The following SPMIP7 variants were observed in gnomAD, a reference collection of about 807,000 sequenced individuals.
SPMIP7 encodes sperm microtubule inner protein 7, also known as protein SPMIP7.
chr7:50,097,865 T>C, the SPMIP7 span, among the ~76,000 whole-genome samples: 1 of 152,164 alleles, frequency 6.6e-6, no homozygotes, highest in Non-Finnish European at 1.5e-5. Context: ...AAGAATCAAA[T>C]GAATTAACAC....
At chr7:50,136,272 T>C in the SPMIP7 span, 6 of 776,590 alleles carry the variant, frequency 7.7e-6, no homozygotes, top group Non-Finnish European at 1.3e-5. Flanking sequence ...GTGAGGGATA[T>C]GTTCTCTGAT....
chr7:50,112,247 G>C, the SPMIP7 span, among the ~76,000 whole-genome samples: 1 of 152,102 alleles, frequency 6.6e-6, no homozygotes, highest in African/African-American at 2.4e-5. Context: ...TGAAGTGGAA[G>C]ATAAACAAAG....
the SPMIP7 span, among the ~76,000 whole-genome samples, chr7:50,118,008 A>T: frequency 1.3e-5 from 2 of 152,212 alleles, no homozygotes; most frequent in African/African-American, 2.4e-5. Flanking sequence ...CTGAGTATCA[A>T]AGGAATTCCC....
At chr7:50,128,159 T>A in the SPMIP7 span, among the ~76,000 whole-genome samples, 1 of 152,048 alleles carries the variant, frequency 6.6e-6, no homozygotes, top group Non-Finnish European at 1.5e-5. Flanking sequence ...TTCTGTCATT[T>A]GTACCAACGT....
At chr7:50,133,892 T>TG in the SPMIP7 span, among the ~76,000 whole-genome samples, 6 of 152,192 alleles carry the variant, frequency 3.9e-5, no homozygotes, top group South Asian at 1.2e-3. Context: ...GCCAATCTCT[T>TG]GGGGCATATA....
the SPMIP7 span, among the ~76,000 whole-genome samples, chr7:50,125,237 TACACATATATACACATATATATACAC>T: frequency 3.5e-5 from 3 of 86,196 alleles, no homozygotes; most frequent in African/African-American, 8.7e-5. Flanking sequence ...CACATATATA[TACACATATATACACATATATATACAC>T]ACATATATAT....
At chr7:50,127,269 A>G in the SPMIP7 span, among the ~76,000 whole-genome samples, 1 of 152,076 alleles carries the variant, frequency 6.6e-6, no homozygotes, top group Non-Finnish European at 1.5e-5. Context: ...AAATGGGTTA[A>G]AGATTTAAGT....
chr7:50,145,612 GTGTGTGTATATATATATATATA>G, the SPMIP7 span, among the ~76,000 whole-genome samples: 11 of 36,900 alleles, frequency 3.0e-4, 2 homozygotes, highest in East Asian at 1.3e-3. Flanking sequence ...GTGTGTATAT[GTGTGTGTATATATATATATATA>G]TATATATATA....
the SPMIP7 span, among the ~76,000 whole-genome samples, chr7:50,125,131 C>CAT: frequency 0.04 from 2,723 of 68,782 alleles, 905 homozygotes; most frequent in East Asian, 0.059. Context: ...CACACACACA[C>CAT]ACACACACAC....
chr7:50,097,061 G>T, the SPMIP7 span, among the ~76,000 whole-genome samples: 1 of 152,160 alleles, frequency 6.6e-6, no homozygotes, highest in Non-Finnish European at 1.5e-5. Flanking sequence ...GTACTTGAAC[G>T]TACATTTTTT....
the SPMIP7 span, among the ~76,000 whole-genome samples, chr7:50,103,518 C>A: frequency 6.6e-6 from 1 of 152,206 alleles, no homozygotes; most frequent in South Asian, 2.1e-4. Flanking sequence ...TACCATTTTA[C>A]AATCTGCTAT....
chr7:50,127,690 A>G, the SPMIP7 span, among the ~76,000 whole-genome samples: 1 of 151,170 alleles, frequency 6.6e-6, no homozygotes, highest in Non-Finnish European at 1.5e-5. Flanking sequence ...TAAGACATAA[A>G]AATAGTCAAC....
At chr7:50,100,301 A>C in the SPMIP7 span, among the ~76,000 whole-genome samples, 4 of 152,240 alleles carry the variant, frequency 2.6e-5, no homozygotes, top group Middle Eastern at 3.2e-3. Flanking sequence ...GGGAATCTGC[A>C]AGAGGGTGAC....
chr7:50,105,919 G>C, the SPMIP7 span, among the ~76,000 whole-genome samples: 6 of 152,114 alleles, frequency 3.9e-5, no homozygotes, highest in Non-Finnish European at 5.9e-5. Context: ...AGACCTTGTT[G>C]CCTTTTTAAA....
chr7:50,142,046 A>T, the SPMIP7 span: 1 of 152,270 alleles, frequency 6.6e-6, no homozygotes, highest in Non-Finnish European at 1.5e-5. Context: ...TCACTTTTAC[A>T]CATAGGAACT....
At chr7:50,126,163 T>G in the SPMIP7 span, among the ~76,000 whole-genome samples, 1 of 151,980 alleles carries the variant, frequency 6.6e-6, no homozygotes, top group Non-Finnish European at 1.5e-5. Flanking sequence ...AAAGAATTAA[T>G]GAAAGTGATA....
the SPMIP7 span, among the ~76,000 whole-genome samples, chr7:50,122,729 A>G: frequency 6.6e-6 from 1 of 151,994 alleles, no homozygotes; most frequent in Non-Finnish European, 1.5e-5. Context: ...AGAAAAAAAC[A>G]AACAGCCCCA....
chr7:50,139,282 G>A, the SPMIP7 span, among the ~76,000 whole-genome samples: 1 of 150,442 alleles, frequency 6.6e-6, no homozygotes, highest in Non-Finnish European at 1.5e-5. Flanking sequence ...CCGGGAGACG[G>A]AGGTTACAGT....
the SPMIP7 span, among the ~76,000 whole-genome samples, chr7:50,144,803 T>C: frequency 6.6e-6 from 1 of 152,114 alleles, no homozygotes; most frequent in African/African-American, 2.4e-5. Context: ...TCAACAAAAA[T>C]TATTGAAGCT....
Sources: allele counts gnomAD v4.1 joint callset (sites outside exome capture counted in the v4.1 genomes callset), GRCh38; gene constraint gnomAD v4.1.1; transcripts MANE v1.5; gene names NCBI Gene and HGNC (gene_info 2026-07-23, HGNC 2026-07-21).